RBFOX1: variants seen among roughly 807,000 people sequenced by gnomAD.
The protein encoded by RBFOX1 is RNA binding protein fox-1 homolog 1.
In RBFOX1, 8 loss-of-function variants were observed where a neutral mutation model predicts 57.7. The ratio of observed to expected loss-of-function variants is 0.14; its 90% CI spans 0.08 to 0.25. The LOEUF (loss-of-function observed/expected upper bound fraction) is 0.25. RBFOX1 is among the 10% of genes least tolerant of loss of function. RBFOX1 has a pLI of 1.00. For synonymous variants in RBFOX1, 326 were observed against 222.4 expected (o/e 1.47, Z -4.15); for missense variants, 611 against 548.5 (o/e 1.11, Z -1.14).
intron 3 of RBFOX1, among the ~76,000 whole-genome samples, chr16:7,017,973 C>T (rs749223380): frequency 2.8e-4 from 42 of 152,250 alleles, no homozygotes; most frequent in Non-Finnish European, 5.9e-4. Context: ...CCTTTCTCTA[C>T]GGGCAGTTGT....
intron 3 of RBFOX1, among the ~76,000 whole-genome samples, chr16:6,965,811 T>G (rs533154233): frequency 1.1e-4 from 17 of 152,270 alleles, no homozygotes; most frequent in African/African-American, 3.9e-4. Context: ...TAGTCAGTCT[T>G]TTAATCTGTA....
At chr16:6,282,483 T>G (rs1232859492) in intron 1 of RBFOX1, among the ~76,000 whole-genome samples, 1 of 151,816 alleles carries the variant, frequency 6.6e-6, no homozygotes, top group African/African-American at 2.4e-5. Flanking sequence ...ACCTGTCATC[T>G]AGGTGTTAAG....
At chr16:7,689,531 T>A (rs1279083839) in intron 14 of RBFOX1, among the ~76,000 whole-genome samples, 1 of 151,974 alleles carries the variant, frequency 6.6e-6, no homozygotes, top group Admixed American at 6.6e-5. Context: ...TTACCAGACC[T>A]CTCTCCTGGA....
chr16:6,913,754 G>A (rs150455801), intron 3 of RBFOX1, among the ~76,000 whole-genome samples: 18 of 152,254 alleles, frequency 1.2e-4, no homozygotes, highest in African/African-American at 1.9e-4. Context: ...GGCAGCCAGC[G>A]GTTAAGTCCA....
In RBFOX1 at chr16:5,614,164, G is replaced by T. The variant is rs928992885; in HGVS notation, c.318+15203G>T. ...GTTGGGAGGTGCGGATCAGGTGGTT[G>T]GGGGATCCTGTCCTGTCACGTACAG... is the stretch of plus-strand genomic sequence containing the variant. On this transcript the variant is annotated intron_variant, in intron 3 of 19. Coordinates refer to the RBFOX1 transcript ENST00000641259. 7.0e-4 allele frequency among the ~76,000 whole-genome samples: 107 copies of T among 152,136 alleles called. 1 individual carries two copies. Among genetic ancestry groups the T allele is most frequent in the Admixed American group, 3.3e-4 (5 of 15,264 alleles).
chr16:6,800,319 G>T (rs1483464972), intron 3 of RBFOX1, among the ~76,000 whole-genome samples: 1 of 152,288 alleles, frequency 6.6e-6, no homozygotes, highest in Admixed American at 6.5e-5. Flanking sequence ...AGACGGGCTG[G>T]TAGTACCAAA....
At chr16:7,318,015 G>C (rs777550863) in intron 4 of RBFOX1, among the ~76,000 whole-genome samples, 4 of 151,840 alleles carry the variant, frequency 2.6e-5, no homozygotes, top group South Asian at 2.1e-4. Context: ...TGACGGTAGC[G>C]ATGATGGTGA....
chr16:6,288,697 A>G (rs2077147696), intron 1 of RBFOX1, among the ~76,000 whole-genome samples: 1 of 152,118 alleles, frequency 6.6e-6, no homozygotes, highest in Non-Finnish European at 1.5e-5. Flanking sequence ...ATGTCCCTGT[A>G]TGTTGCTTAC....
chr16:7,134,310 T>G (rs1228329780), intron 4 of RBFOX1, among the ~76,000 whole-genome samples: 2 of 152,254 alleles, frequency 1.3e-5, no homozygotes, highest in African/African-American at 2.4e-5. Context: ...CTTTGGAAAT[T>G]CAGAAAGTAG....
At chr16:5,795,188 G>T (rs543727042) in intron 3 of RBFOX1, among the ~76,000 whole-genome samples, 1 of 152,136 alleles carries the variant, frequency 6.6e-6, no homozygotes, top group East Asian at 1.9e-4. Context: ...TAAATGTCAA[G>T]AAATGATTCT....
intron 4 of RBFOX1, among the ~76,000 whole-genome samples, chr16:7,186,204 G>T (rs897018845): frequency 2.7e-5 from 4 of 147,108 alleles, no homozygotes; most frequent in African/African-American, 1.0e-4. Flanking sequence ...AAATATAAAT[G>T]TGTATATAAA....
intron 2 of RBFOX1, among the ~76,000 whole-genome samples, chr16:6,412,198 T>C (rs1206190756): frequency 4.7e-5 from 7 of 150,416 alleles, no homozygotes; most frequent in Admixed American, 2.6e-4. Context: ...AGTCAAATAC[T>C]GGGTAATTTC....
At chr16:7,442,399 G>C (rs902115712) in intron 4 of RBFOX1, among the ~76,000 whole-genome samples, 2 of 152,080 alleles carry the variant, frequency 1.3e-5, no homozygotes, top group African/African-American at 4.8e-5. Context: ...AGCATTTGTC[G>C]AACTCTGGGC....
intron 3 of RBFOX1, among the ~76,000 whole-genome samples, chr16:6,813,323 C>T (rs527414245): frequency 6.6e-6 from 1 of 152,280 alleles, no homozygotes; most frequent in Middle Eastern, 3.4e-3. Flanking sequence ...TTTCTAGCCT[C>T]CAGTTGACCA....
intron 2 of RBFOX1, among the ~76,000 whole-genome samples, chr16:6,633,810 A>C (rs1213243604): frequency 6.6e-6 from 1 of 152,012 alleles, no homozygotes; most frequent in African/African-American, 2.4e-5. Flanking sequence ...GGAGTTTGAG[A>C]CTAGCCTGGG....
rs1175391832 is a variant in RBFOX1 at position 5,834,590 on chromosome 16, A to ATAGT, written c.319-32710_319-32709insTTAG. ...AAGTGCATGTGTCATAGATAGATAG[A>ATAGT]TAGATAGATAGATAGATAGATAGAT... is the stretch of plus-strand genomic sequence containing the variant. On this transcript the variant is annotated intron_variant, in intron 3 of 19. Coordinates refer to the RBFOX1 transcript ENST00000641259. Among the ~76,000 whole-genome samples the ATAGT allele has an allele frequency of 3.2e-3, 480 of 148,270 alleles. 6 individuals carry two copies. The highest frequency in any genetic ancestry group is 0.012 in the African/African-American group (454 of 38,634).
At chr16:7,695,222 AATTT>A in intron 14 of RBFOX1, among the ~76,000 whole-genome samples, 3 of 152,188 alleles carry the variant, frequency 2.0e-5, no homozygotes, top group Non-Finnish European at 4.4e-5. Context: ...TTGAACTCTG[AATTT>A]TGAATGAAGC....
chr16:7,135,854 A>G (rs1490852684), intron 4 of RBFOX1, among the ~76,000 whole-genome samples: 1 of 152,172 alleles, frequency 6.6e-6, no homozygotes, highest in South Asian at 2.1e-4. Flanking sequence ...GGTAGTTTGG[A>G]TCTAGAATAA....
At chr16:7,000,150 G>C (rs1335795384) in intron 3 of RBFOX1, among the ~76,000 whole-genome samples, 2 of 151,106 alleles carry the variant, frequency 1.3e-5, no homozygotes, top group African/African-American at 2.4e-5. Context: ...CTTACAATTA[G>C]AATATGAGAA....
Sources: gnomAD v4.1 joint callset for allele counts (sites outside exome capture counted in the v4.1 genomes callset) on GRCh38, gnomAD v4.1.1 for gene constraint, MANE v1.5 for transcripts, NCBI Gene and HGNC (gene_info 2026-07-23, HGNC 2026-07-21) for gene names.